The following ARHGAP30 variants were observed in gnomAD, a reference collection of about 807,000 sequenced individuals.
ARHGAP30 encodes the protein rho GTPase-activating protein 30.
ARHGAP30 carries 23 observed loss-of-function variants against 72.0 expected under a neutral mutation model. The observed-to-expected ratio is 0.32, with a 90% confidence interval of 0.23 to 0.45. The LOEUF is 0.45. ARHGAP30 is among the 20% of genes least tolerant of loss of function. The pLI is 1.00. For missense variants in ARHGAP30, 1,319 were observed against 1,383.4 expected, an observed-to-expected ratio of 0.95 and a Z score of 0.74; for synonymous variants, 576 against 528.2, an observed-to-expected ratio of 1.09 and a Z score of -1.24.
chr1:161,054,500 A>T, intron 4 of ARHGAP30, 27 bp from the exon 5 acceptor site: 1 of 1,609,896 alleles, frequency 6.2e-7, no homozygotes, highest in Non-Finnish European at 8.5e-7. Context: ...CAGGGATCAC[A>T]CAGGGAATGC....
chr1:161,049,738 C>T (rs374534204), intron 10 of ARHGAP30, 49 bp from the exon 11 acceptor site: 2 of 1,579,130 alleles, frequency 1.3e-6, no homozygotes, highest in Non-Finnish European at 1.7e-6. Flanking sequence ...AGCCCTGACC[C>T]TTTTCAGTGT....
intron 1 of ARHGAP30, among the ~76,000 whole-genome samples, chr1:161,062,821 C>CT (rs1007788239): frequency 2.6e-4 from 39 of 148,466 alleles, no homozygotes; most frequent in African/African-American, 4.2e-4. Context: ...AGTCTTTGTT[C>CT]TTTTTTTTTT....
chr1:161,065,570 CT>C (rs1225744611), intron 1 of ARHGAP30, among the ~76,000 whole-genome samples: 1 of 147,578 alleles, frequency 6.8e-6, no homozygotes, highest in Non-Finnish European at 1.5e-5. Flanking sequence ...TTTTTCTTTT[CT>C]TTTTTTTTCT....
chr1:161,050,589 G>A (rs1651283337), intron 10 of ARHGAP30, among the ~76,000 whole-genome samples: 1 of 151,088 alleles, frequency 6.6e-6, no homozygotes, highest in African/African-American at 2.4e-5. Flanking sequence ...GATTACAGGT[G>A]TGAGCCACCG....
rs760223473 is a variant in ARHGAP30, at chr1:161,049,308, G to A, written c.1713C>T (p.Pro571=). 1 of 1,613,734 alleles carries A rather than the reference G, an allele frequency of 6.2e-7. No homozygotes were observed. The highest frequency in any genetic ancestry group is 1.3e-5 in the African/African-American group (1 of 75,000). The change falls in exon 12 of 12, where the codon CCC becomes CCT. Residue 571 remains proline (P), a synonymous_variant. Coordinates refer to ENST00000368013, the MANE Select transcript of ARHGAP30 (RefSeq NM_001025598.2). ...CCTCATCCAGAGACAGGTCATCCAG[G>A]GGTGGCTCCACAGAGAACTCCTCCA... ...PQVEEFSVEP[P]LDDLSLDEAQ...
Position 161,054,620 on chromosome 1 carries a change from T to A in ARHGAP30, c.428+3A>T. ...TGCTGGGCAGATATGGAGTGTCACATACCTGTAGTTTGGGACAGGGAGTTC... is the reference window on the plus strand; with the variant it reads ...TGCTGGGCAGATATGGAGTGTCACAAACCTGTAGTTTGGGACAGGGAGTTC... On this transcript the variant is annotated splice_donor_region_variant and intron_variant, in intron 4 of 11. Coordinates refer to ENST00000368013, the MANE Select transcript of ARHGAP30 (RefSeq NM_001025598.2). 1 of 1,613,912 alleles carries A rather than the reference T, an allele frequency of 6.2e-7. No individual in the cohort carries two copies. Among genetic ancestry groups the A allele is most frequent in the Middle Eastern group, 1.6e-4 (1 of 6,062 alleles).
At position 161,054,397 on chromosome 1, in the gene ARHGAP30, G is replaced by A. The variant is rs1328952890; in HGVS notation, c.505C>T (p.Leu169=). The A allele has an allele frequency of 6.2e-7, 1 of 1,614,010 alleles. No homozygotes were observed. The highest frequency in any genetic ancestry group is 2.2e-5 in the East Asian group (1 of 44,870). The change falls in exon 5 of 12, where the codon CTG becomes TTG. Residue 169 remains leucine, a synonymous_variant. Transcript: ENST00000368013. The stretch of plus-strand genomic sequence containing the variant: ...AGGTTGGGAGCCCACACGATGGCCA[G>A]GTTGCGAGCATGCATGTTGGTCTGG... ...SAQTNMHARN[L]AIVWAPNLLR... is the part of the protein sequence containing the mutation.
At position 161,052,794 on chromosome 1, in the gene ARHGAP30, C is replaced by A. The variant is rs1466095419; in HGVS notation, c.668G>T (p.Gly223Val). ...CGATCGCCACCCACTCTCCACCTCA[C>A]CACCTGGGAAAAGAAAAGGAATTGG... Reference protein sequence around the residue: ...QLFGGAALSGGEVESGWRSLP... With the variant: ...QLFGGAALSGVEVESGWRSLP... Residue 223 changes from glycine (G) to valine (V), a missense_variant, in exon 7 of 12, where the codon GGT becomes GTT. This residue lies in a region of ARHGAP30 where 222 missense variants were observed against 338.2 expected (regional missense o/e 0.66). Coordinates refer to ENST00000368013, the MANE Select transcript of ARHGAP30 (RefSeq NM_001025598.2). 17 of 1,610,264 alleles carry A rather than the reference C, an allele frequency of 1.1e-5. No individual in the cohort carries two copies. The highest frequency in any genetic ancestry group is 1.4e-5 in the Non-Finnish European group (16 of 1,179,054).
Position 161,052,278 on chromosome 1 carries a change from A to G in ARHGAP30, c.1018+8T>C, listed in dbSNP as rs773660511. The G allele has an allele frequency of 9.4e-5, 152 of 1,613,608 alleles. No homozygotes were observed. Among genetic ancestry groups the G allele is most frequent in the Non-Finnish European group, 1.2e-4 (146 of 1,179,996 alleles). On this transcript the variant is annotated splice_region_variant and intron_variant, in intron 9 of 11. Coordinates refer to ENST00000368013, the MANE Select transcript of ARHGAP30 (RefSeq NM_001025598.2). ...CACATACACACAGAAATGCACCCCT[A>G]TACTCACCATCACTGGCCCCAGCTG...
intron 1 of ARHGAP30, among the ~76,000 whole-genome samples, chr1:161,063,939 CT>C (rs1392398416): frequency 6.6e-6 from 1 of 152,210 alleles, no homozygotes; most frequent in Non-Finnish European, 1.5e-5. Context: ...ACCGGTTGAT[CT>C]CAAAACCTGT....
rs1225753512 is a variant in ARHGAP30, at chr1:161,048,644, C to T, written c.2377G>A (p.Gly793Arg). Reference sequence around the variant, plus strand: ...CCTTTGTCCTCATCCTCTCTGACTCCCTCAGCCTCTTGTTTCTGTACAACT... The same window carrying T: ...CCTTTGTCCTCATCCTCTCTGACTCTCTCAGCCTCTTGTTTCTGTACAACT... Reference protein sequence around the residue: ...WEVVQKQEAEGVREDEDKGQR... With the variant: ...WEVVQKQEAERVREDEDKGQR... Residue 793 changes from glycine to arginine, a missense_variant, in exon 12 of 12, where the codon GGA becomes AGA. Physicochemically the swap from Gly to Arg is moderately radical, Grantham distance 125. Transcript: ENST00000368013. 1.2e-6 allele frequency: 2 copies of T among 1,613,966 alleles called. No homozygotes were observed. The highest frequency in any genetic ancestry group is 1.3e-5 in the African/African-American group (1 of 74,876).
Position 161,048,718 on chromosome 1 carries a change from T to C in ARHGAP30, c.2303A>G (p.Asp768Gly). 1.2e-6 allele frequency: 2 copies of C among 1,614,092 alleles called. No individual in the cohort carries two copies. The highest frequency in any genetic ancestry group is 1.7e-6 in the Non-Finnish European group (2 of 1,180,020). Residue 768 changes from aspartate (D) to glycine (G), a missense_variant, in exon 12 of 12, where the codon GAC becomes GGC. Physicochemically the swap from Asp to Gly is moderately conservative, Grantham distance 94. Transcript: ENST00000368013. ...REEAQVEAGR[D>G]LEQGAQEDQV... is the part of the protein sequence containing the mutation. ...ATCTTCCTGGGCCCCTTGCTCTAGG[T>C]CCCTTCCAGCTTCTACCTGGGCTTC... is the stretch of plus-strand genomic sequence containing the variant.
At position 161,056,266 on chromosome 1, in the gene ARHGAP30, T is replaced by C. The variant is rs1651870901; in HGVS notation, c.345+122A>G. 4.4e-6 allele frequency: 6 copies of C among 1,378,092 alleles called. No individual in the cohort carries two copies. In the South Asian group the frequency reaches 8.9e-5, roughly 21 times the overall value. 85.4% of individuals were successfully genotyped at this position (1,378,092 alleles called of 1,614,324 possible). On this transcript the variant is annotated intron_variant, in intron 3 of 11. Coordinates refer to ENST00000368013, the MANE Select transcript of ARHGAP30 (RefSeq NM_001025598.2). ...GAGGGGTCTTTTCCCCGGTAAGTTT[T>C]TCTGTGGTCTCTGTCATTCAGGATC... is the stretch of plus-strand genomic sequence containing the variant.
In ARHGAP30 at chr1:161,059,615, G is replaced by A. The variant is rs766295524; in HGVS notation, c.199C>T (p.Arg67Trp). ...GCCCTCCCACTCTGTTTGACTCACC[G>A]AAGCTTCTGGATGTTGGAGGAGACC... ...SGVSSNIQKL[R>W]QEFESERKPD... Residue 67 changes from arginine (R) to tryptophan (W), a missense_variant and splice_region_variant, in exon 2 of 12, where the codon CGG (arginine) becomes TGG (tryptophan). Arg to Trp is a moderately radical substitution (Grantham distance 101). This residue lies in a region of ARHGAP30 where 222 missense variants were observed against 338.2 expected (regional missense o/e 0.66). Transcript: ENST00000368013. 43 of 1,611,620 alleles carry A rather than the reference G, an allele frequency of 2.7e-5. No individual in the cohort carries two copies. The highest frequency in any genetic ancestry group is 2.2e-5 in the East Asian group (1 of 44,844).
chr1:161,047,804 G>A lies in ARHGAP30; in HGVS notation c.3217C>T (p.Pro1073Ser). Reference sequence around the variant, plus strand: ...GACAACAGGGGGTCAGGAACCTGGGGTTCTCTGGGGGGCAGACTAAGACGA... The same window carrying A: ...GACAACAGGGGGTCAGGAACCTGGGATTCTCTGGGGGGCAGACTAAGACGA... ...RSRLSLPPRE[P>S]QVPDPLLSSQ... Residue 1073 changes from proline (P) to serine (S), a missense_variant, in exon 12 of 12, where the codon CCC (proline) becomes TCC (serine). Physicochemically the swap from Pro to Ser is moderately conservative, Grantham distance 74. This residue lies in a region of ARHGAP30 where 1,097 missense variants were observed against 1,045.2 expected (regional missense o/e 1.05). Transcript: ENST00000368013. 3 of 1,603,300 alleles carry A rather than the reference G, an allele frequency of 1.9e-6. No homozygotes were observed. The highest frequency in any genetic ancestry group is 2.6e-6 in the Non-Finnish European group (3 of 1,175,942).
chr1:161,047,770 C>G lies in ARHGAP30; in HGVS notation c.3251G>C (p.Arg1084Pro). The change falls in exon 12 of 12, where the codon CGC becomes CCC. Residue 1084 changes from arginine to proline, a missense_variant. Transcript: ENST00000368013. ...CTGTGTTTCAAATGCATATGACCTG[C>G]GCTGAGAGGACAACAGGGGGTCAGG... ...QVPDPLLSSQ[R>P]RSYAFETQAN... 1.3e-6 allele frequency: 2 copies of G among 1,577,584 alleles called. No individual in the cohort carries two copies. The highest frequency in any genetic ancestry group is 2.7e-5 in the African/African-American group (2 of 73,540).
In ARHGAP30 at chr1:161,051,413, C is replaced by T. The variant is rs1651355629; in HGVS notation, c.1321G>A (p.Ala441Thr). ...PPNIISNVSL[A>T]RLTRGLECPA... is the part of the protein sequence containing the mutation. Reference sequence around the variant, plus strand: ...CACTCAAGGCCACGGGTGAGCCTGGCCAAGGAAACGTTAGAGATGATGTTC... The same window carrying T: ...CACTCAAGGCCACGGGTGAGCCTGGTCAAGGAAACGTTAGAGATGATGTTC... The change falls in exon 10 of 12, where the codon GCC becomes ACC. Residue 441 changes from alanine to threonine, a missense_variant. Around this residue, in one of 2 missense-constraint regions of ARHGAP30, gnomAD observed 1,097 missense variants for 1,045.2 expected, o/e 1.05. Coordinates refer to ENST00000368013, the MANE Select transcript of ARHGAP30 (RefSeq NM_001025598.2). The T allele has an allele frequency of 1.9e-6, 3 of 1,613,996 alleles. No individual in the cohort carries two copies. Among genetic ancestry groups the T allele is most frequent in the African/African-American group, 1.3e-5 (1 of 74,940 alleles).
chr1:161,053,872 C>A (rs1344641880), intron 5 of ARHGAP30, among the ~76,000 whole-genome samples: 2 of 152,132 alleles, frequency 1.3e-5, no homozygotes, highest in African/African-American at 2.4e-5. Flanking sequence ...TCAAGATCAG[C>A]CTGACCAACA....
chr1:161,066,004 A>G (rs1261040082), intron 1 of ARHGAP30, among the ~76,000 whole-genome samples: 1 of 151,590 alleles, frequency 6.6e-6, no homozygotes, highest in African/African-American at 2.4e-5. Flanking sequence ...AGCTGGGACT[A>G]CAGGCGCACA....
Sources: allele counts gnomAD v4.1 joint callset (sites outside exome capture counted in the v4.1 genomes callset), GRCh38; gene constraint gnomAD v4.1.1; regional missense constraint gnomAD v4.1.1; transcripts MANE v1.5; gene names NCBI Gene and HGNC (gene_info 2026-07-23, HGNC 2026-07-21).